Variants in CAST observed in about 807,000 individuals in gnomAD.
The protein encoded by CAST is calpastatin, also known as MIR583 host.
A neutral mutation model predicts 119.6 loss-of-function variants in CAST; 76 were observed. That is an observed-to-expected ratio of 0.64 (90% CI 0.53 to 0.77). The LOEUF (loss-of-function observed/expected upper bound fraction) is 0.77, where lower values mean the gene tolerates loss of function less well. CAST is among the 30% of genes least tolerant of loss of function. The probability of loss-of-function intolerance (pLI) is 0.00; values close to 1 mark genes in which losing one functional copy is unlikely to be tolerated. For missense variants in CAST, 953 were observed against 946.5 expected (o/e 1.01, Z -0.09); for synonymous variants, 319 against 331.6 (o/e 0.96, Z 0.41).
At chr5:96,289,952 G>C in the CAST span, among the ~76,000 whole-genome samples, 2 of 151,630 alleles carry the variant, frequency 1.3e-5, no homozygotes, top group Admixed American at 6.6e-5. Context: ...AAAAAAAACA[G>C]AATTGACTAA....
chr5:96,604,307 T>C (rs1156672453), intron 1 of CAST, among the ~76,000 whole-genome samples: 1 of 152,152 alleles, frequency 6.6e-6, no homozygotes. Flanking sequence ...TGATTCTCAA[T>C]AAAGCTGAGT....
chr5:96,412,536 T>C, the CAST span: 8 of 1,540,168 alleles, frequency 5.2e-6, no homozygotes, highest in Non-Finnish European at 6.3e-6. Context: ...GATGTCAGTA[T>C]GTACATGGAC....
chr5:95,966,319 G>A, the CAST span, among the ~76,000 whole-genome samples: 1 of 152,156 alleles, frequency 6.6e-6, no homozygotes, highest in Non-Finnish European at 1.5e-5. Flanking sequence ...TTTTCTGAAA[G>A]GAATCGCTTA....
At chr5:96,630,510 G>T (rs1747801611) in intron 1 of CAST, among the ~76,000 whole-genome samples, 2 of 152,334 alleles carry the variant, frequency 1.3e-5, no homozygotes, top group African/African-American at 4.8e-5. Flanking sequence ...CTTGAGGCCA[G>T]GTGCGGTGGC....
the CAST span, among the ~76,000 whole-genome samples, chr5:96,297,961 G>T: frequency 3.3e-5 from 5 of 152,166 alleles, no homozygotes; most frequent in Non-Finnish European, 7.3e-5. Context: ...TGCTCTCAGA[G>T]AATAGAGAAA....
At chr5:96,618,706 C>T (rs563578532) in intron 1 of CAST, among the ~76,000 whole-genome samples, 64 of 152,330 alleles carry the variant, frequency 4.2e-4, no homozygotes, top group African/African-American at 1.5e-3. Flanking sequence ...TGACGCCACC[C>T]TCAAATAGCT....
At position 96,595,633 on chromosome 5, in the gene CAST, T is replaced by C. The variant is rs115264568; in HGVS notation, c.60+65753T>C. On this transcript the variant is annotated intron_variant, in intron 1 of 11. Coordinates refer to the CAST transcript ENST00000505143. Reference sequence around the variant, plus strand: ...TGATGGGCTCAGGCAAGGCACTCAGTTGGATGACACAGAACCTGAAATGGA... The same window carrying C: ...TGATGGGCTCAGGCAAGGCACTCAGCTGGATGACACAGAACCTGAAATGGA... 7.2e-3 allele frequency among the ~76,000 whole-genome samples: 1,090 copies of C among 152,058 alleles called. 17 individuals are homozygous for C. Among genetic ancestry groups the C allele is most frequent in the African/African-American group, 0.025 (1,021 of 41,448 alleles).
At chr5:96,370,797 A>G in the CAST span, among the ~76,000 whole-genome samples, 1 of 152,216 alleles carries the variant, frequency 6.6e-6, no homozygotes, top group African/African-American at 2.4e-5. Context: ...CAAGCAAAAC[A>G]ATAGAAGAAA....
At chr5:96,598,368 A>G (rs749146056) in intron 1 of CAST, among the ~76,000 whole-genome samples, 3 of 152,184 alleles carry the variant, frequency 2.0e-5, no homozygotes, top group Admixed American at 2.0e-4. Context: ...GGTCAGCCTC[A>G]GATATGACCA....
the CAST span, among the ~76,000 whole-genome samples, chr5:95,963,830 C>G: frequency 6.6e-6 from 1 of 150,548 alleles, no homozygotes; most frequent in Non-Finnish European, 1.5e-5. Flanking sequence ...CAAGTAAAAC[C>G]TGTATCCCAC....
the CAST span, among the ~76,000 whole-genome samples, chr5:96,485,734 G>A: frequency 2.6e-5 from 4 of 152,084 alleles, no homozygotes; most frequent in South Asian, 2.1e-4. Context: ...TACTTGTTCT[G>A]GGGAGGAAGG....
the CAST span, among the ~76,000 whole-genome samples, chr5:96,269,897 C>A: frequency 6.6e-6 from 1 of 152,104 alleles, no homozygotes; most frequent in African/African-American, 2.4e-5. Context: ...TCTATGAGGT[C>A]AGTGTTACCC....
At chr5:96,622,671 T>G (rs1355309582) in intron 1 of CAST, among the ~76,000 whole-genome samples, 1 of 152,184 alleles carries the variant, frequency 6.6e-6, no homozygotes, top group Non-Finnish European at 1.5e-5. Flanking sequence ...GGTTCAATTA[T>G]TAGCCAAAGG....
At chr5:96,364,015 C>T in the CAST span, among the ~76,000 whole-genome samples, 4 of 152,064 alleles carry the variant, frequency 2.6e-5, no homozygotes, top group Admixed American at 6.6e-5. Flanking sequence ...CCATCAATAC[C>T]TAATTTATAG....
At chr5:96,130,344 A>C in the CAST span, among the ~76,000 whole-genome samples, 1 of 152,016 alleles carries the variant, frequency 6.6e-6, no homozygotes, top group Admixed American at 6.6e-5. Context: ...GCCATCAAAA[A>C]ACAAAGAAAG....
At chr5:96,064,523 A>T in the CAST span, among the ~76,000 whole-genome samples, 2 of 152,156 alleles carry the variant, frequency 1.3e-5, no homozygotes, top group Non-Finnish European at 2.9e-5. Context: ...ATTTAAATTG[A>T]TAATTAAATT....
chr5:96,557,871 G>T (rs1746275118), intron 1 of CAST, among the ~76,000 whole-genome samples: 1 of 152,126 alleles, frequency 6.6e-6, no homozygotes, highest in Admixed American at 6.6e-5. Context: ...GAAATCTACA[G>T]AACTCTCCAC....
chr5:96,747,974 G>A (rs1407027028), intron 18 of CAST, among the ~76,000 whole-genome samples: 3 of 152,156 alleles, frequency 2.0e-5, no homozygotes, highest in Non-Finnish European at 4.4e-5. Context: ...AGGCTGTCTG[G>A]TCTGAGTCCC....
intron 2 of CAST, among the ~76,000 whole-genome samples, chr5:96,680,903 G>C (rs1008278604): frequency 1.3e-5 from 2 of 152,218 alleles, no homozygotes; most frequent in Non-Finnish European, 2.9e-5. Context: ...GATTGTGGCT[G>C]CACAAGCTCA....
Sources: gnomAD v4.1 joint callset for allele counts (sites outside exome capture counted in the v4.1 genomes callset) on GRCh38, gnomAD v4.1.1 for gene constraint, MANE v1.5 for transcripts, NCBI Gene and HGNC (gene_info 2026-07-23, HGNC 2026-07-21) for gene names.